The following TET3 variants were observed in gnomAD, a reference collection of about 807,000 sequenced individuals.
TET3 encodes tet methylcytosine dioxygenase 3.
In TET3, 19 loss-of-function variants were observed where a neutral mutation model predicts 141.4. The ratio of observed to expected loss-of-function variants is 0.13; its 90% CI spans 0.09 to 0.20. The LOEUF is 0.20. Ranked by LOEUF, TET3 falls within the 10% of genes least tolerant of loss-of-function variation. TET3 has a pLI of 1.00. For missense variants in TET3, 1,874 were observed against 2,356.9 expected (o/e 0.80, Z 4.24); for synonymous variants, 1,043 against 980.9 (o/e 1.06, Z -1.18).
chr2:74,119,330 G>C, the TET3 span, among the ~76,000 whole-genome samples: 1 of 148,838 alleles, frequency 6.7e-6, no homozygotes, highest in Admixed American at 6.7e-5. Context: ...TTCAGCCTGG[G>C]AGACAGAGTG....
rs561601758 is a variant in TET3, at chr2:74,093,947, C to T, written c.3267+281C>T. Among the ~76,000 whole-genome samples, 121 of 152,306 alleles carry T rather than the reference C, an allele frequency of 7.9e-4. 1 individual carries two copies. The highest frequency in any genetic ancestry group is 2.7e-3 in the African/African-American group (113 of 41,578). On this transcript the variant is annotated intron_variant, in intron 10 of 11. Coordinates refer to ENST00000409262, the MANE Select transcript of TET3 (RefSeq NM_001287491.2). The surrounding 1 kb of genome is among the most constrained non-coding windows in gnomAD (Gnocchi z 4.2). ...ACCTGGAGTGCCCAGTTATCTAAAG[C>T]GTGGGCCCCGGTCTCTGTGGACACT...
At chr2:74,057,915 C>A (rs1486184912) in intron 4 of TET3, among the ~76,000 whole-genome samples, 2 of 152,144 alleles carry the variant, frequency 1.3e-5, no homozygotes, top group African/African-American at 2.4e-5. Flanking sequence ...TTAGTGTTAA[C>A]AAGCTTAGTT....
At position 74,105,244 on chromosome 2, in the gene TET3, A is replaced by T. The variant is rs1691430823; in HGVS notation, c.*3068A>T. 2.5e-6 allele frequency: 1 copy of T among 398,506 alleles called. No homozygotes were observed. Among genetic ancestry groups the T allele is most frequent in the South Asian group, 1.3e-4 (1 of 7,860 alleles). 24.7% of individuals were successfully genotyped at this position (398,506 alleles called of 1,614,324 possible). A position where few individuals can be genotyped will look rare whatever the true frequency, so the allele number is the denominator to read the frequency against. On this transcript the variant is annotated 3_prime_UTR_variant, in exon 12 of 12. Coordinates refer to ENST00000409262, the MANE Select transcript of TET3 (RefSeq NM_001287491.2). ...TAGCAACGGAAATCGATGGCGTCTT[A>T]GTCATCTCCCCAGTGTGCCCTGTCC...
Position 74,047,114 on chromosome 2 carries a change from T to G in TET3, c.1197T>G (p.Ser399=), listed in dbSNP as rs938246504. 1 of 1,613,928 alleles carries G rather than the reference T, an allele frequency of 6.2e-7. No homozygotes were observed. Among genetic ancestry groups the G allele is most frequent in the Non-Finnish European group, 8.5e-7 (1 of 1,179,864 alleles). The change falls in exon 4 of 12, where the codon TCT becomes TCG. Residue 399 remains serine (S), a synonymous_variant. Transcript: ENST00000409262. ...SPPAPFRSPQ[S]YLRAPSWPVV... Reference sequence around the variant, plus strand: ...CTGCCCCTTTCAGATCTCCCCAGTCTTACCTCCGGGCTCCCTCATGGCCTG... The same window carrying G: ...CTGCCCCTTTCAGATCTCCCCAGTCGTACCTCCGGGCTCCCTCATGGCCTG...
At position 74,096,768 on chromosome 2, in the gene TET3, CAA is replaced by C. The variant is rs11363244; in HGVS notation, c.3268-2497_3268-2496del. ...GTGCAATAAGAGCAAAACTCTGTCT[CAA>C]AAAAAAAAAAGAAAGAAAGAAAGAA... On this transcript the variant is annotated intron_variant, in intron 10 of 11. Transcript: ENST00000409262. Among the ~76,000 whole-genome samples, 449 of 141,040 alleles carry C rather than the reference CAA, an allele frequency of 3.2e-3. 1 individual carries two copies. The highest frequency in any genetic ancestry group is 0.01 in the African/African-American group (380 of 36,984). 92.5% of individuals were successfully genotyped at this position (141,040 alleles called of 152,430 possible).
chr2:73,994,823 G>A lies in TET3; in HGVS notation c.303+8117G>A, dbSNP rs187550108. Among the ~76,000 whole-genome samples, 210 of 151,782 alleles carry A rather than the reference G, an allele frequency of 1.4e-3. 2 individuals are homozygous for A. The highest frequency in any genetic ancestry group is 4.9e-3 in the African/African-American group (203 of 41,414). On this transcript the variant is annotated intron_variant, in intron 2 of 11. Transcript: ENST00000409262. ...TGGCTTATTTTGTATTTTTAGTAGA[G>A]ACAGGGTTTCACCATGTTGGCCAGG...
the TET3 span, among the ~76,000 whole-genome samples, chr2:74,123,766 G>A: frequency 6.6e-6 from 1 of 151,600 alleles, no homozygotes; most frequent in Admixed American, 6.6e-5. Context: ...CCCAGTCTGG[G>A]AAGTGAGGAG....
At chr2:73,985,225 G>A (rs1683944097) in intron 1 of TET3, 68 bp downstream of exon 1, 1 of 143,822 alleles carries the variant, frequency 7.0e-6, no homozygotes. Flanking sequence ...GGGGGGCCCG[G>A]CCCGGGGGAG....
the TET3 span, among the ~76,000 whole-genome samples, chr2:74,130,339 C>T: frequency 1.3e-5 from 2 of 152,204 alleles, no homozygotes; most frequent in Admixed American, 1.3e-4. Context: ...AGGTCAGCTT[C>T]CTGGAATGAG....
Position 74,100,689 on chromosome 2 carries a change from C to T in TET3, c.3901C>T (p.Leu1301=). Residue 1301 remains leucine (L), a synonymous_variant, in exon 12 of 12, where the codon CTG becomes TTG. Coordinates refer to ENST00000409262, the MANE Select transcript of TET3 (RefSeq NM_001287491.2). ...SSNPVFPSQF[L]GPGAWGHSGS... ...CAACCCCGTCTTCCCCTCTCAGTTC[C>T]TGGGTCCTGGTGCCTGGGGGCACAG... The T allele has an allele frequency of 6.2e-7, 1 of 1,614,068 alleles. No individual in the cohort carries two copies. The highest frequency in any genetic ancestry group is 8.5e-7 in the Non-Finnish European group (1 of 1,179,906).
the TET3 span, among the ~76,000 whole-genome samples, chr2:74,123,400 C>T: frequency 1.3e-5 from 2 of 151,928 alleles, no homozygotes; most frequent in African/African-American, 2.4e-5. Flanking sequence ...GGGCGGATCA[C>T]GAGTTCAGGA....
In TET3 at chr2:74,105,284, C is replaced by G. The variant is rs897640986; in HGVS notation, c.*3108C>G. The G allele has an allele frequency of 2.3e-5, 9 of 398,504 alleles. No individual in the cohort carries two copies. The highest frequency in any genetic ancestry group is 3.5e-5 in the Non-Finnish European group (8 of 226,076). 24.7% of individuals were successfully genotyped at this position (398,504 alleles called of 1,614,324 possible). A position where few individuals can be genotyped will look rare whatever the true frequency, so the allele number is the denominator to read the frequency against. On this transcript the variant is annotated 3_prime_UTR_variant, in exon 12 of 12. Coordinates refer to ENST00000409262, the MANE Select transcript of TET3 (RefSeq NM_001287491.2). ...GTGCCCTGTCCACGGACACCATCCACGTGCAGTGCAAACATTTGGTTCCTT... is the reference window on the plus strand; with the variant it reads ...GTGCCCTGTCCACGGACACCATCCAGGTGCAGTGCAAACATTTGGTTCCTT...
chr2:74,061,982 G>A (rs75962819), intron 4 of TET3, among the ~76,000 whole-genome samples: 5,280 of 150,324 alleles, frequency 0.035, 303 homozygotes, highest in African/African-American at 0.12. Flanking sequence ...GACAATGGGC[G>A]ACCAGGCAGA....
At chr2:74,128,992 TAAAAAAAAAA>T in the TET3 span, among the ~76,000 whole-genome samples, 44 of 77,922 alleles carry the variant, frequency 5.6e-4, no homozygotes, top group African/African-American at 2.4e-3. Flanking sequence ...TGTCTCAATT[TAAAAAAAAAA>T]AAAAAAAAAA....
chr2:73,996,550 C>T (rs576238545), intron 2 of TET3, among the ~76,000 whole-genome samples: 36 of 152,210 alleles, frequency 2.4e-4, no homozygotes, highest in Non-Finnish European at 4.0e-4. Flanking sequence ...GCTCTGTCCC[C>T]CAAGTTGGAG....
At chr2:74,060,569 C>G (rs1308696772) in intron 4 of TET3, among the ~76,000 whole-genome samples, 4 of 151,564 alleles carry the variant, frequency 2.6e-5, no homozygotes, top group Non-Finnish European at 4.4e-5. Flanking sequence ...GTGTTTCTCG[C>G]AGAGGGGGAT....
chr2:74,117,020 C>T, the TET3 span, among the ~76,000 whole-genome samples: 3 of 151,962 alleles, frequency 2.0e-5, no homozygotes, highest in African/African-American at 7.2e-5. Context: ...GAGAGGGGAG[C>T]GGGGAGATGG....
chr2:74,003,299 G>T, intron 3 of TET3, 133 bp downstream of exon 3: 5 of 1,203,020 alleles, frequency 4.2e-6, no homozygotes, highest in African/African-American at 1.5e-5. Flanking sequence ...CAGCAGCTGA[G>T]GGGGAGGGGC....
chr2:74,020,657 G>GA (rs1685987087), intron 3 of TET3, among the ~76,000 whole-genome samples: 1 of 152,214 alleles, frequency 6.6e-6, no homozygotes, highest in Non-Finnish European at 1.5e-5. Flanking sequence ...ATGTCTACCT[G>GA]CCTTGGAGGG....
Sources: allele counts gnomAD v4.1 joint callset (sites outside exome capture counted in the v4.1 genomes callset), GRCh38; gene constraint gnomAD v4.1.1; non-coding constraint Gnocchi (gnomAD v3.1); transcripts MANE v1.5; gene names NCBI Gene and HGNC (gene_info 2026-07-23, HGNC 2026-07-21).